The following SPTLC1 variants were observed in gnomAD, a reference collection of about 807,000 sequenced individuals.
SPTLC1 encodes the protein serine palmitoyltransferase long chain base subunit 1, also known as serine palmitoyltransferase 1.
SPTLC1 carries 55 observed loss-of-function variants against 68.9 expected under a neutral mutation model. The ratio of observed to expected loss-of-function variants is 0.80; its 90% CI spans 0.64 to 1.00. SPTLC1 has a LOEUF of 1.00. Ranked by LOEUF, SPTLC1 falls within the 50% of genes least tolerant of loss-of-function variation. The probability of loss-of-function intolerance (pLI) is 0.00; values close to 1 mark genes in which losing one functional copy is unlikely to be tolerated. For missense variants in SPTLC1, 449 were observed against 573.1 expected, an observed-to-expected ratio of 0.78 and a Z score of 2.21; for synonymous variants, 197 against 201.6, an observed-to-expected ratio of 0.98 and a Z score of 0.19.
intron 5 of SPTLC1, among the ~76,000 whole-genome samples, chr9:92,068,660 CA>C (rs1458479855): frequency 2.6e-5 from 4 of 152,114 alleles, no homozygotes; most frequent in Non-Finnish European, 4.4e-5. Flanking sequence ...ATTTATAGTA[CA>C]AAAGGAAATA....
At chr9:92,045,524 T>TAA (rs71362367) in intron 12 of SPTLC1, among the ~76,000 whole-genome samples, 1,435 of 31,494 alleles carry the variant, frequency 0.046, 218 homozygotes, top group African/African-American at 0.12. Flanking sequence ...TCTTGTGTAG[T>TAA]AAAAAAAAAA....
intron 6 of SPTLC1, among the ~76,000 whole-genome samples, chr9:92,062,913 C>T (rs1319231897): frequency 6.6e-6 from 1 of 152,128 alleles, no homozygotes; most frequent in Admixed American, 6.5e-5. Flanking sequence ...ACTAAATGAA[C>T]ATTCAAGAAA....
intron 3 of SPTLC1, among the ~76,000 whole-genome samples, chr9:92,082,129 A>G (rs1267895719): frequency 6.6e-6 from 1 of 152,100 alleles, no homozygotes; most frequent in African/African-American, 2.4e-5. Flanking sequence ...AGTAGGGGAG[A>G]GTCTACCTCT....
At chr9:92,097,042 T>A (rs754670444) in intron 3 of SPTLC1, among the ~76,000 whole-genome samples, 12 of 152,194 alleles carry the variant, frequency 7.9e-5, no homozygotes, top group Non-Finnish European at 1.6e-4. Context: ...AAAGAAAATA[T>A]ACAAATGGCC....
chr9:92,061,423 G>A (rs760874401), intron 6 of SPTLC1, among the ~76,000 whole-genome samples: 1 of 152,126 alleles, frequency 6.6e-6, no homozygotes, highest in Admixed American at 6.5e-5. Flanking sequence ...AGGAATGAAG[G>A]TGAAATCAAG....
At chr9:92,078,039 C>T (rs10992223) in intron 5 of SPTLC1, among the ~76,000 whole-genome samples, 16,387 of 152,080 alleles carry the variant, frequency 0.11, 1,911 homozygotes, top group African/African-American at 0.3. Context: ...TACTACACAG[C>T]TGTCCCTGCC....
At chr9:92,092,291 T>A (rs928622109) in intron 3 of SPTLC1, among the ~76,000 whole-genome samples, 32 of 152,164 alleles carry the variant, frequency 2.1e-4, no homozygotes, top group Middle Eastern at 3.2e-3. Context: ...TCAGAAAAGC[T>A]ATCATCCAGA....
At chr9:92,053,840 G>C (rs1484806000) in intron 8 of SPTLC1, 2 of 575,776 alleles carry the variant, frequency 3.5e-6, no homozygotes, top group Non-Finnish European at 4.4e-6. Flanking sequence ...ACCTAAAGTT[G>C]ATGGTTGCAC....
intron 5 of SPTLC1, chr9:92,079,518 T>C: frequency 6.8e-6 from 11 of 1,613,924 alleles, no homozygotes; most frequent in Non-Finnish European, 9.3e-6. Context: ...AGTTGGCCTG[T>C]TCCCGGATTA....
intron 3 of SPTLC1, among the ~76,000 whole-genome samples, chr9:92,103,439 T>A (rs1209890513): frequency 6.6e-6 from 1 of 152,172 alleles, no homozygotes; most frequent in African/African-American, 2.4e-5. Flanking sequence ...TAAGAATAGA[T>A]GCTGTATCCA....
intron 7 of SPTLC1, among the ~76,000 whole-genome samples, chr9:92,058,157 T>C (rs1833960652): frequency 1.3e-5 from 2 of 152,240 alleles, no homozygotes; most frequent in Admixed American, 1.3e-4. Context: ...ATTGTGTAAA[T>C]GTGAAATGTT....
intron 8 of SPTLC1, chr9:92,050,810 G>GTTTTTTTTTTTTTTT (rs1564088122): frequency 1.4e-5 from 1 of 72,268 alleles, no homozygotes; most frequent in Non-Finnish European, 2.2e-5. Flanking sequence ...GCACAATACT[G>GTTTTTTTTTTTTTTT]ATTTTTTTTT....
intron 12 of SPTLC1, among the ~76,000 whole-genome samples, chr9:92,045,705 C>A (rs574833094): frequency 1.3e-4 from 20 of 152,146 alleles, no homozygotes; most frequent in African/African-American, 4.8e-4. Context: ...TCAGTGTTTA[C>A]CCTGGTTATT....
intron 8 of SPTLC1, chr9:92,050,997 G>T (rs1418664932): frequency 1.0e-6 from 1 of 984,680 alleles, no homozygotes; most frequent in Non-Finnish European, 1.2e-6. Flanking sequence ...ATCTACACTT[G>T]AGCTGTTCCT....
intron 3 of SPTLC1, among the ~76,000 whole-genome samples, chr9:92,094,668 T>C (rs952248231): frequency 6.6e-6 from 1 of 152,228 alleles, no homozygotes; most frequent in Non-Finnish European, 1.5e-5. Context: ...CCTCATAGTT[T>C]TATCGTCCTT....
At chr9:92,060,249 G>A (rs2118542435) in intron 6 of SPTLC1, among the ~76,000 whole-genome samples, 1 of 152,282 alleles carries the variant, frequency 6.6e-6, no homozygotes, top group East Asian at 1.9e-4. Flanking sequence ...ACTAGACATG[G>A]ACTACAGCGG....
intron 5 of SPTLC1, among the ~76,000 whole-genome samples, chr9:92,070,870 T>A (rs1013258203): frequency 2.6e-5 from 4 of 152,154 alleles, no homozygotes; most frequent in African/African-American, 9.7e-5. Context: ...TGGTCACACT[T>A]AGGCAATCTT....
chr9:92,088,170 AAGGGAACT>A (rs1435677279), intron 3 of SPTLC1, among the ~76,000 whole-genome samples: 1 of 152,238 alleles, frequency 6.6e-6, no homozygotes, highest in Non-Finnish European at 1.5e-5. Context: ...TTGACTAGGA[AAGGGAACT>A]CCCTGACCCC....
intron 6 of SPTLC1, among the ~76,000 whole-genome samples, chr9:92,065,621 C>T (rs1018884763): frequency 6.6e-6 from 1 of 152,110 alleles, no homozygotes; most frequent in African/African-American, 2.4e-5. Context: ...TAGTGGGGTG[C>T]TTGTGTATAA....
Sources: allele counts gnomAD v4.1 joint callset (sites outside exome capture counted in the v4.1 genomes callset), GRCh38; gene constraint gnomAD v4.1.1; transcripts MANE v1.5; gene names NCBI Gene and HGNC (gene_info 2026-07-23, HGNC 2026-07-21).